Variants in NAALADL2 observed in about 807,000 individuals in gnomAD.
NAALADL2 encodes N-acetylated alpha-linked acidic dipeptidase like 2.
A neutral mutation model predicts 87.2 loss-of-function variants in NAALADL2; 76 were observed. That is an observed-to-expected ratio of 0.87 (90% CI 0.72 to 1.05). NAALADL2 has a LOEUF of 1.05. Ranked by LOEUF, NAALADL2 falls within the 50% of genes least tolerant of loss-of-function variation. NAALADL2 has a pLI of 0.00. For missense variants in NAALADL2, 1,089 were observed against 945.8 expected (o/e 1.15, Z -1.99); for synonymous variants, 354 against 331.0 (o/e 1.07, Z -0.75).
chr3:175,050,067 G>T (rs1312254817), intron 1 of NAALADL2, among the ~76,000 whole-genome samples: 1 of 152,078 alleles, frequency 6.6e-6, no homozygotes, highest in Non-Finnish European at 1.5e-5. Context: ...GATAATTGGT[G>T]TGTATAAATG....
At chr3:175,050,588 A>C (rs964550642) in intron 1 of NAALADL2, among the ~76,000 whole-genome samples, 2 of 152,298 alleles carry the variant, frequency 1.3e-5, no homozygotes, top group African/African-American at 4.8e-5. Flanking sequence ...GTTTTTATCA[A>C]TTCACTCATG....
chr3:174,529,224 A>C (rs1721026943), intron 1 of NAALADL2, among the ~76,000 whole-genome samples: 1 of 152,244 alleles, frequency 6.6e-6, no homozygotes, highest in Admixed American at 6.5e-5. Context: ...GCCCCATGCA[A>C]GTCCGAAATC....
chr3:175,593,954 G>A (rs1209065317), intron 10 of NAALADL2, among the ~76,000 whole-genome samples: 1 of 150,998 alleles, frequency 6.6e-6, no homozygotes, highest in Admixed American at 6.7e-5. Context: ...TTAGGAAATA[G>A]GTTTCTTACT....
chr3:174,993,581 A>G (rs932711659), intron 1 of NAALADL2, among the ~76,000 whole-genome samples: 2 of 152,176 alleles, frequency 1.3e-5, no homozygotes, highest in African/African-American at 4.8e-5. Flanking sequence ...CGGTGGCTCA[A>G]GTGGCCTATG....
chr3:174,718,471 A>T (rs1286185531), intron 2 of NAALADL2, among the ~76,000 whole-genome samples: 1 of 152,158 alleles, frequency 6.6e-6, no homozygotes, highest in Non-Finnish European at 1.5e-5. Context: ...TTGACACAGA[A>T]GCTGAGAGTC....
intron 13 of NAALADL2, among the ~76,000 whole-genome samples, chr3:175,785,204 T>C (rs1426628863): frequency 2.0e-5 from 3 of 149,814 alleles, no homozygotes; most frequent in East Asian, 3.9e-4. Context: ...GAGAGTTCTG[T>C]AGATGTCTAT....
chr3:174,982,059 T>A (rs539222647), intron 1 of NAALADL2, among the ~76,000 whole-genome samples: 1 of 152,192 alleles, frequency 6.6e-6, no homozygotes, highest in South Asian at 2.1e-4. Flanking sequence ...CAAAATTTTG[T>A]CAATAGAAAG....
intron 1 of NAALADL2, among the ~76,000 whole-genome samples, chr3:174,898,432 T>C (rs9828569): frequency 0.22 from 32,984 of 151,558 alleles, 3,686 homozygotes; most frequent in East Asian, 0.32. Flanking sequence ...AGACTGACTA[T>C]TTGATAGCAC....
intron 2 of NAALADL2, among the ~76,000 whole-genome samples, chr3:174,581,937 GTTGT>G (rs1279883696): frequency 6.6e-6 from 1 of 152,176 alleles, no homozygotes; most frequent in Non-Finnish European, 1.5e-5. Context: ...CGATTTGGAA[GTTGT>G]TTGTTTCTGT....
At chr3:174,640,191 G>A (rs1371548182) in intron 2 of NAALADL2, among the ~76,000 whole-genome samples, 2 of 152,288 alleles carry the variant, frequency 1.3e-5, no homozygotes, top group East Asian at 1.9e-4. Context: ...CTGCAGCTCG[G>A]CTCCCAGACT....
intron 3 of NAALADL2, among the ~76,000 whole-genome samples, chr3:174,751,835 T>C (rs985550407): frequency 6.7e-6 from 1 of 149,034 alleles, no homozygotes. Context: ...ATAAGTGATA[T>C]TGACTTTAGA....
intron 2 of NAALADL2, among the ~76,000 whole-genome samples, chr3:175,150,508 G>C (rs915344221): frequency 6.6e-6 from 1 of 152,112 alleles, no homozygotes; most frequent in Non-Finnish European, 1.5e-5. Context: ...ATCTTATATG[G>C]TGAGTGCACC....
In NAALADL2 at chr3:174,861,263, G is replaced by T. The variant is rs1726454897; in HGVS notation, c.43+1813G>T. On this transcript the variant is annotated intron_variant, in intron 1 of 13. Transcript: ENST00000454872. ...TATATTTGCATCAAGATTCTTAAGA[G>T]CACCTATTAATCAAGTGAGGGTTAA... is the stretch of plus-strand genomic sequence containing the variant. Among the ~76,000 whole-genome samples, 3 of 152,126 alleles carry T rather than the reference G, an allele frequency of 2.0e-5. No individual in the cohort carries two copies. The South Asian group carries it at 6.2e-4, about 32-fold the overall frequency.
intron 3 of NAALADL2, among the ~76,000 whole-genome samples, chr3:174,762,343 C>T (rs1246507503): frequency 6.7e-5 from 10 of 149,008 alleles, no homozygotes; most frequent in South Asian, 2.2e-4. Context: ...TTAGTAGAGA[C>T]GGGGTTTCAC....
chr3:174,801,986 T>G (rs2109253946), intron 3 of NAALADL2, among the ~76,000 whole-genome samples: 1 of 152,186 alleles, frequency 6.6e-6, no homozygotes, highest in African/African-American at 2.4e-5. Context: ...AATGAATAAT[T>G]TAATCTGTGA....
chr3:174,663,533 A>G (rs1236053777), intron 2 of NAALADL2, among the ~76,000 whole-genome samples: 1 of 152,090 alleles, frequency 6.6e-6, no homozygotes, highest in Non-Finnish European at 1.5e-5. Context: ...CAGAAGGAGC[A>G]AGACAGAGGG....
At chr3:174,605,538 C>A (rs1415009814) in intron 2 of NAALADL2, among the ~76,000 whole-genome samples, 1 of 152,186 alleles carries the variant, frequency 6.6e-6, no homozygotes, top group East Asian at 1.9e-4. Context: ...CTCGGAGGGT[C>A]CTACGCCCAC....
intron 2 of NAALADL2, among the ~76,000 whole-genome samples, chr3:175,119,528 G>A (rs1725792846): frequency 6.6e-6 from 1 of 151,140 alleles, no homozygotes; most frequent in East Asian, 2.0e-4. Context: ...CAGAGACAGA[G>A]AGGGAGAGAG....
intron 2 of NAALADL2, among the ~76,000 whole-genome samples, chr3:174,623,397 G>A (rs928425136): frequency 3.9e-5 from 6 of 152,096 alleles, no homozygotes; most frequent in Non-Finnish European, 7.4e-5. Flanking sequence ...GTAAGGGTTT[G>A]TGTGTGTAGG....
Sources: gnomAD v4.1 joint callset for allele counts (sites outside exome capture counted in the v4.1 genomes callset) on GRCh38, gnomAD v4.1.1 for gene constraint, MANE v1.5 for transcripts, NCBI Gene and HGNC (gene_info 2026-07-23, HGNC 2026-07-21) for gene names.